INPP4B: variants seen among roughly 807,000 people sequenced by gnomAD.
The protein encoded by INPP4B is inositol polyphosphate 4-phosphatase type II.
INPP4B carries 55 observed loss-of-function variants against 122.5 expected under a neutral mutation model. That is an observed-to-expected ratio of 0.45 (90% confidence interval 0.36 to 0.56). The LOEUF is 0.56. INPP4B is among the 20% of genes least tolerant of loss of function. The pLI is 0.00. For missense variants in INPP4B, 1,000 were observed against 1,097.7 expected (o/e 0.91, Z 1.26); for synonymous variants, 403 against 388.7 (o/e 1.04, Z -0.43).
At position 142,280,596 on chromosome 4, in the gene INPP4B, G is replaced by A. The variant is rs546538324; in HGVS notation, c.504-9822C>T. Among the ~76,000 whole-genome samples, 226 of 151,878 alleles carry A rather than the reference G, an allele frequency of 1.5e-3. No homozygotes were observed. In the Middle Eastern group the frequency reaches 0.017, roughly 11 times the overall value. ...AGTTCTGTATCTGGACTGTGGATAC[G>A]GACTCTGTTCATACATGTGTTAAAA... On this transcript the variant is annotated intron_variant, in intron 9 of 25. Transcript: ENST00000262992.
intron 2 of INPP4B, among the ~76,000 whole-genome samples, chr4:142,632,689 A>T (rs1247569539): frequency 1.3e-5 from 2 of 152,094 alleles, no homozygotes; most frequent in African/African-American, 4.8e-5. Flanking sequence ...ATATACTAAA[A>T]GGCAAAATAA....
chr4:142,764,681 A>G (rs1397968287), intron 1 of INPP4B, among the ~76,000 whole-genome samples: 1 of 152,062 alleles, frequency 6.6e-6, no homozygotes. Flanking sequence ...TTATTCTGCA[A>G]CACCCAGCAT....
intron 2 of INPP4B, among the ~76,000 whole-genome samples, chr4:142,608,324 A>T (rs1341015049): frequency 2.6e-5 from 4 of 152,154 alleles, no homozygotes; most frequent in Non-Finnish European, 4.4e-5. Context: ...TCATGAAAAT[A>T]CCACACCTTT....
chr4:142,185,646 G>C (rs2645823), intron 15 of INPP4B, among the ~76,000 whole-genome samples: 150,941 of 151,964 alleles, frequency 0.99, 74,969 homozygotes, highest in East Asian at 1. Context: ...TCGAGAGGCC[G>C]AGGCGGGTGG....
rs900283863 is a variant in INPP4B at position 142,023,729 on chromosome 4, C to T, written c.*5053G>A. On this transcript the variant is annotated 3_prime_UTR_variant, in exon 26 of 26. Transcript: ENST00000262992. ...TATTTACACTGTGAGTGTGAAAGGG[C>T]AACATTTTTCTTCCTAAAGAACTGT... is the stretch of plus-strand genomic sequence containing the variant. The T allele has an allele frequency of 3.3e-5, 5 of 152,130 alleles. No individual in the cohort carries two copies. In the East Asian group the frequency reaches 9.6e-4, roughly 29 times the overall value. 9.4% of individuals were successfully genotyped at this position (152,130 alleles called of 1,614,324 possible).
chr4:142,479,187 C>T (rs201700193), intron 2 of INPP4B, among the ~76,000 whole-genome samples: 1 of 152,056 alleles, frequency 6.6e-6, no homozygotes, highest in East Asian at 1.9e-4. Context: ...AGAAGTCATA[C>T]CTGTGGCCAA....
intron 12 of INPP4B, among the ~76,000 whole-genome samples, chr4:142,214,181 C>T (rs1378971757): frequency 6.6e-6 from 1 of 152,288 alleles, no homozygotes; most frequent in East Asian, 1.9e-4. Flanking sequence ...TCTACTAAAG[C>T]CCAGTATTAC....
intron 7 of INPP4B, among the ~76,000 whole-genome samples, chr4:142,350,265 C>T (rs1168843987): frequency 2.6e-5 from 4 of 151,924 alleles, no homozygotes; most frequent in African/African-American, 9.7e-5. Context: ...AAATAGAAAT[C>T]GAATCATTGT....
At chr4:142,481,455 C>A (rs1820534208) in intron 2 of INPP4B, among the ~76,000 whole-genome samples, 1 of 152,194 alleles carries the variant, frequency 6.6e-6, no homozygotes, top group East Asian at 1.9e-4. Flanking sequence ...AATGAGACTG[C>A]ACAGAGTGAG....
intron 1 of INPP4B, among the ~76,000 whole-genome samples, chr4:142,783,972 A>C (rs1274170469): frequency 1.3e-5 from 2 of 152,200 alleles, no homozygotes; most frequent in Non-Finnish European, 2.9e-5. Context: ...CAATCTAAAA[A>C]AATGCCAGAG....
chr4:142,337,972 GA>G (rs1453467376), intron 7 of INPP4B, among the ~76,000 whole-genome samples: 1 of 150,952 alleles, frequency 6.6e-6, no homozygotes, highest in Non-Finnish European at 1.5e-5. Context: ...ACTACTTCTT[GA>G]AAATGTACCT....
chr4:142,310,625 CACA>C (rs2151271319), intron 8 of INPP4B, among the ~76,000 whole-genome samples: 1 of 151,004 alleles, frequency 6.6e-6, no homozygotes, highest in South Asian at 2.1e-4. Context: ...AAGACTGATA[CACA>C]ACATCTCTTA....
intron 1 of INPP4B, among the ~76,000 whole-genome samples, chr4:142,736,227 C>T (rs2150899140): frequency 1.3e-5 from 2 of 152,262 alleles, no homozygotes; most frequent in Middle Eastern, 6.8e-3. Context: ...GTTTCAGAAA[C>T]TTGCTTTAGA....
chr4:142,521,767 AT>A (rs1003058583), intron 2 of INPP4B, among the ~76,000 whole-genome samples: 6 of 152,220 alleles, frequency 3.9e-5, no homozygotes, highest in African/African-American at 1.4e-4. Context: ...AAAAAATATC[AT>A]TTTGTACACA....
intron 1 of INPP4B, among the ~76,000 whole-genome samples, chr4:142,825,791 A>C (rs1289867774): frequency 6.6e-6 from 1 of 152,102 alleles, no homozygotes; most frequent in Non-Finnish European, 1.5e-5. Context: ...AAATATAAAA[A>C]AAAATAGGAG....
intron 1 of INPP4B, among the ~76,000 whole-genome samples, chr4:142,774,875 T>A (rs931853844): frequency 6.6e-6 from 1 of 152,074 alleles, no homozygotes; most frequent in African/African-American, 2.4e-5. Context: ...TGATATAATA[T>A]ATTAACTAAA....
chr4:142,447,122 CAG>C (rs1813076546), intron 3 of INPP4B, among the ~76,000 whole-genome samples: 1 of 152,134 alleles, frequency 6.6e-6, no homozygotes, highest in Admixed American at 6.6e-5. Context: ...GCGGTAGGAG[CAG>C]AGTTTTGAGC....
chr4:142,399,666 C>T (rs1291390265), intron 7 of INPP4B, among the ~76,000 whole-genome samples: 1 of 152,142 alleles, frequency 6.6e-6, no homozygotes, highest in African/African-American at 2.4e-5. Context: ...AAGATATCAA[C>T]TTTACTATAC....
At chr4:142,198,403 T>G (rs1310637523) in intron 14 of INPP4B, among the ~76,000 whole-genome samples, 1 of 152,044 alleles carries the variant, frequency 6.6e-6, no homozygotes, top group East Asian at 1.9e-4. Context: ...TGATCTTAAT[T>G]ATCTTTCTCA....
Sources: allele counts gnomAD v4.1 joint callset (sites outside exome capture counted in the v4.1 genomes callset), GRCh38; gene constraint gnomAD v4.1.1; transcripts MANE v1.5; gene names NCBI Gene and HGNC (gene_info 2026-07-23, HGNC 2026-07-21).